The following GPRIN3 variants were observed in gnomAD, a reference collection of about 807,000 sequenced individuals.
GPRIN3 encodes G protein-regulated inducer of neurite outgrowth 3.
GPRIN3 carries 12 observed loss-of-function variants against 13.7 expected under a neutral mutation model. The observed-to-expected ratio is 0.87, with a 90% CI of 0.56 to 1.42. GPRIN3 has a LOEUF of 1.42. Ranked by LOEUF, GPRIN3 falls within the 40% of genes most tolerant of loss-of-function variation. The probability of loss-of-function intolerance (pLI) is 0.00; values close to 1 mark genes in which losing one functional copy is unlikely to be tolerated. For synonymous variants in GPRIN3, 377 were observed against 372.7 expected, an observed-to-expected ratio of 1.01 and a Z score of -0.13; for missense variants, 1,009 against 958.7, an observed-to-expected ratio of 1.05 and a Z score of -0.69.
intron 1 of GPRIN3, among the ~76,000 whole-genome samples, chr4:89,271,078 T>C (rs777179841): frequency 6.6e-6 from 1 of 152,156 alleles, no homozygotes; most frequent in Non-Finnish European, 1.5e-5. Context: ...GTTAGCAATA[T>C]ATTATGATGT....
intron 1 of GPRIN3, among the ~76,000 whole-genome samples, chr4:89,277,049 T>C (rs886252273): frequency 2.6e-4 from 40 of 152,270 alleles, no homozygotes; most frequent in African/African-American, 8.7e-4. Context: ...ATACACGAGC[T>C]TCTCACACAC....
rs731926 is a variant in GPRIN3 at position 89,245,528 on chromosome 4, A to G, written c.*2252T>C. 57,918 of 152,074 alleles carry G rather than the reference A, an allele frequency of 0.38. 11,214 individuals are homozygous for G. The highest frequency in any genetic ancestry group is 0.56 in the South Asian group (2,670 of 4,810). 9.4% of individuals were successfully genotyped at this position (152,074 alleles called of 1,614,324 possible). Reference sequence around the variant, plus strand: ...TCATGAAAATAAATATTATTATCAGAGGCGAAATTCCTTATTCTCACCTAT... The same window carrying G: ...TCATGAAAATAAATATTATTATCAGGGGCGAAATTCCTTATTCTCACCTAT... On this transcript the variant is annotated 3_prime_UTR_variant, in exon 2 of 2. Transcript: ENST00000609438.
chr4:89,305,341 T>C (rs1029861098), intron 1 of GPRIN3, among the ~76,000 whole-genome samples: 14 of 152,208 alleles, frequency 9.2e-5, no homozygotes, highest in African/African-American at 3.1e-4. Context: ...CACAGCACCC[T>C]GTCAGGGCAC....
intron 1 of GPRIN3, among the ~76,000 whole-genome samples, chr4:89,288,840 G>A (rs1724495074): frequency 6.6e-6 from 1 of 152,116 alleles, no homozygotes; most frequent in Non-Finnish European, 1.5e-5. Context: ...CTCCTCCTGT[G>A]TATAAGAGAT....
chr4:89,298,192 T>C (rs754592466), intron 1 of GPRIN3, among the ~76,000 whole-genome samples: 2 of 152,138 alleles, frequency 1.3e-5, no homozygotes, highest in Admixed American at 6.5e-5. Context: ...CTACATCTTA[T>C]ATCTGTTCCG....
chr4:89,262,648 G>A lies in GPRIN3; in HGVS notation c.-123-12415C>T, dbSNP rs900610637. ...AAACCATAATTTTCTTATCCATCTT[G>A]GTTATCTAAAAGCTCCAAGCTGGGC... On this transcript the variant is annotated intron_variant, in intron 1 of 1. Coordinates refer to ENST00000609438, the MANE Select transcript of GPRIN3 (RefSeq NM_198281.3). Among the ~76,000 whole-genome samples the A allele has an allele frequency of 2.0e-5, 3 of 152,110 alleles. No homozygotes were observed. In the East Asian group the frequency reaches 5.8e-4, roughly 29 times the overall value.
chr4:89,259,754 T>C (rs1183763846), intron 1 of GPRIN3, among the ~76,000 whole-genome samples: 1 of 152,160 alleles, frequency 6.6e-6, no homozygotes, highest in East Asian at 1.9e-4. Context: ...TCCACTCCAC[T>C]TGCTTGCCTT....
At chr4:89,250,362 C>T in intron 1 of GPRIN3, 129 bp from the exon 2 acceptor site, 1 of 430,326 alleles carries the variant, frequency 2.3e-6, no homozygotes, top group Non-Finnish European at 3.9e-6. Context: ...TAAAAATAGA[C>T]CTTGTGGGGA....
chr4:89,254,682 G>T (rs1211363431), intron 1 of GPRIN3, among the ~76,000 whole-genome samples: 1 of 152,114 alleles, frequency 6.6e-6, no homozygotes, highest in African/African-American at 2.4e-5. Context: ...GTGCTGCAAT[G>T]AACATACACA....
chr4:89,241,391 A>C lies in GPRIN3; in HGVS notation c.*6389T>G, dbSNP rs921670957. 6.6e-6 allele frequency: 1 copy of C among 152,218 alleles called. No homozygotes were observed. The highest frequency in any genetic ancestry group is 1.5e-5 in the Non-Finnish European group (1 of 68,026). 9.4% of individuals were successfully genotyped at this position (152,218 alleles called of 1,614,324 possible). A position where few individuals can be genotyped will look rare whatever the true frequency, so the allele number is the denominator to read the frequency against. On this transcript the variant is annotated 3_prime_UTR_variant, in exon 2 of 2. Transcript: ENST00000609438. Reference sequence around the variant, plus strand: ...TATTTTTTTTACACATAAAAATAGAAAACTGATCACTCAGACTGTACACAC... The same window carrying C: ...TATTTTTTTTACACATAAAAATAGACAACTGATCACTCAGACTGTACACAC...
intron 1 of GPRIN3, among the ~76,000 whole-genome samples, chr4:89,286,226 G>A (rs955188893): frequency 6.6e-6 from 1 of 152,072 alleles, no homozygotes; most frequent in Non-Finnish European, 1.5e-5. Context: ...GCAAAAGTTA[G>A]GAGGAGCACC....
At chr4:89,285,667 T>C (rs72872576) in intron 1 of GPRIN3, among the ~76,000 whole-genome samples, 144 of 152,338 alleles carry the variant, frequency 9.5e-4, no homozygotes, top group African/African-American at 3.3e-3. Flanking sequence ...TCTTTTTACT[T>C]TTCCCAAATT....
At chr4:89,255,361 T>C (rs189621283) in intron 1 of GPRIN3, among the ~76,000 whole-genome samples, 133 of 152,346 alleles carry the variant, frequency 8.7e-4, no homozygotes, top group African/African-American at 2.8e-3. Context: ...TTAAGCACCA[T>C]AAAAGTGTTA....
intron 1 of GPRIN3, among the ~76,000 whole-genome samples, chr4:89,280,862 A>G (rs1724226811): frequency 6.6e-6 from 1 of 152,202 alleles, no homozygotes; most frequent in Admixed American, 6.5e-5. Context: ...GCTGGCAACC[A>G]CCAGAAGTTA....
chr4:89,248,757 C>T lies in GPRIN3; in HGVS notation c.1354G>A (p.Ala452Thr). The change falls in exon 2 of 2, where the codon GCT becomes ACT. Residue 452 changes from alanine to threonine, a missense_variant. By Grantham distance (58) the Ala-to-Thr change is moderately conservative. Transcript: ENST00000609438. Reference sequence around the variant, plus strand: ...GAATTAGTACCTGCGAGCTTTTTAGCAGTTGACTCTTCCCTCACTGGAGTC... The same window carrying T: ...GAATTAGTACCTGCGAGCTTTTTAGTAGTTGACTCTTCCCTCACTGGAGTC... The part of the protein sequence containing the change: ...GMTPVREEST[A>T]KKLAGTNSSS... 6.2e-7 allele frequency: 1 copy of T among 1,614,160 alleles called. No individual in the cohort carries two copies.
chr4:89,269,198 T>C (rs1723860298), intron 1 of GPRIN3, among the ~76,000 whole-genome samples: 1 of 152,222 alleles, frequency 6.6e-6, no homozygotes, highest in South Asian at 2.1e-4. Context: ...TTTTCATAGA[T>C]GACCATCGTT....
intron 1 of GPRIN3, among the ~76,000 whole-genome samples, chr4:89,305,372 G>A (rs1198882839): frequency 6.6e-6 from 1 of 152,176 alleles, no homozygotes; most frequent in African/African-American, 2.4e-5. Context: ...GTTGCTGGCA[G>A]TGTCCCTCCC....
rs1216270083 is a variant in GPRIN3, at chr4:89,237,271, T to C, written c.*10509A>G. On this transcript the variant is annotated 3_prime_UTR_variant, in exon 2 of 2. Transcript: ENST00000609438. ...TACAAGGGTCTAAACATTTTAGAAC[T>C]CTGTCAATTAGCTCAGTGGTTGTGT... The C allele has an allele frequency of 6.6e-6, 1 of 152,212 alleles. No homozygotes were observed. Among genetic ancestry groups the C allele is most frequent in the Non-Finnish European group, 1.5e-5 (1 of 68,034 alleles). 9.4% of individuals were successfully genotyped at this position (152,212 alleles called of 1,614,324 possible).
chr4:89,281,841 C>T (rs1724259101), intron 1 of GPRIN3, among the ~76,000 whole-genome samples: 1 of 152,190 alleles, frequency 6.6e-6, no homozygotes, highest in Non-Finnish European at 1.5e-5. Context: ...GCATTTTCTT[C>T]TATGGGAAGC....
Sources: allele counts gnomAD v4.1 joint callset (sites outside exome capture counted in the v4.1 genomes callset), GRCh38; gene constraint gnomAD v4.1.1; transcripts MANE v1.5; gene names NCBI Gene and HGNC (gene_info 2026-07-23, HGNC 2026-07-21).